The following ZNFX1 variants were observed in gnomAD, a reference collection of about 807,000 sequenced individuals.
The protein encoded by ZNFX1 is NFX1-type zinc finger-containing protein 1.
In ZNFX1, 78 loss-of-function variants were observed where a neutral mutation model predicts 179.8. The observed-to-expected ratio is 0.43, with a 90% CI of 0.36 to 0.52. The LOEUF (loss-of-function observed/expected upper bound fraction) is 0.52. Ranked by LOEUF, ZNFX1 falls within the 20% of genes least tolerant of loss-of-function variation. ZNFX1 has a pLI of 0.00. For missense variants in ZNFX1, 1,927 were observed against 2,386.6 expected (o/e 0.81, Z 4.01); for synonymous variants, 848 against 868.5 (o/e 0.98, Z 0.42).
At chr20:49,256,239 T>A (rs1980968022) in intron 8 of ZNFX1, among the ~76,000 whole-genome samples, 1 of 152,170 alleles carries the variant, frequency 6.6e-6, no homozygotes. Context: ...ATGGGAATAA[T>A]AATGGTATCT....
At position 49,252,052 on chromosome 20, in the gene ZNFX1, C is replaced by T. The variant is rs118071099; in HGVS notation, c.3217-430G>A. 7.0e-4 allele frequency among the ~76,000 whole-genome samples: 107 copies of T among 152,118 alleles called. No individual in the cohort carries two copies. The East Asian group carries it at 0.019, about 26-fold the overall frequency. ...TTCGCCATGTTGGCGAGGCTGGTCA[C>T]GAGCTCCTGAACTCAAGGGATCCGC... On this transcript the variant is annotated intron_variant, in intron 12 of 13. Coordinates refer to ENST00000396105, the MANE Select transcript of ZNFX1 (RefSeq NM_021035.3).
chr20:49,257,091 G>C (rs1349633332), intron 8 of ZNFX1, among the ~76,000 whole-genome samples: 1 of 152,152 alleles, frequency 6.6e-6, no homozygotes, highest in Non-Finnish European at 1.5e-5. Context: ...ATTTGAAATA[G>C]AGAAAACAAC....
At chr20:49,273,032 T>A (rs1278864711) in intron 2 of ZNFX1, among the ~76,000 whole-genome samples, 1 of 152,222 alleles carries the variant, frequency 6.6e-6, no homozygotes, top group African/African-American at 2.4e-5. Flanking sequence ...AAGCTTCAAA[T>A]GCATGTTATA....
chr20:49,253,243 T>C (rs1054249822), intron 11 of ZNFX1, among the ~76,000 whole-genome samples: 6 of 152,260 alleles, frequency 3.9e-5, no homozygotes, highest in Non-Finnish European at 8.8e-5. Flanking sequence ...TTTAAGAAGC[T>C]TGATTTTTAT....
chr20:49,275,516 C>T (rs1035774644), intron 2 of ZNFX1, among the ~76,000 whole-genome samples: 17 of 152,086 alleles, frequency 1.1e-4, no homozygotes, highest in Non-Finnish European at 1.5e-4. Flanking sequence ...GCACCAAGCC[C>T]GGCTAATTTA....
At chr20:49,263,579 G>GT in intron 5 of ZNFX1, 96 bp from the exon 6 acceptor site, 1 of 1,397,338 alleles carries the variant, frequency 7.2e-7, no homozygotes, top group Non-Finnish European at 9.8e-7. Context: ...GACAGGAACA[G>GT]TAAGGAGGGA....
In ZNFX1 at chr20:49,252,713, T is replaced by G; in HGVS notation, c.3216+7A>C. On this transcript the variant is annotated splice_region_variant and intron_variant, in intron 12 of 13. Coordinates refer to ENST00000396105, the MANE Select transcript of ZNFX1 (RefSeq NM_021035.3). ...CATTTGGTAACAACAGAGGCCCAGC[T>G]TCTCACCTGGTAATTCAGACGGACA... The G allele has an allele frequency of 1.2e-6, 2 of 1,612,392 alleles. No homozygotes were observed. The highest frequency in any genetic ancestry group is 1.7e-6 in the Non-Finnish European group (2 of 1,178,476).
intron 3 of ZNFX1, 49 bp from the exon 4 acceptor site, chr20:49,266,315 A>T: frequency 6.5e-7 from 1 of 1,535,132 alleles, no homozygotes; most frequent in Non-Finnish European, 8.8e-7. Flanking sequence ...TTTTCTAAAT[A>T]AAGTAATTAC....
At position 49,270,208 on chromosome 20, in the gene ZNFX1, T is replaced by A; in HGVS notation, c.1604A>T (p.Asn535Ile). 1 of 1,614,032 alleles carries A rather than the reference T, an allele frequency of 6.2e-7. No homozygotes were observed. The highest frequency in any genetic ancestry group is 8.5e-7 in the Non-Finnish European group (1 of 1,180,034). The change falls in exon 3 of 14, where the codon AAT becomes ATT. Residue 535 changes from asparagine to isoleucine, a missense_variant. Transcript: ENST00000396105. The surrounding 1 kb of genome is among the most constrained non-coding windows in gnomAD (Gnocchi z 4.6). ...CACATGAGAGTTACACTCCACGATA[T>A]TCCTCTGGAAGGGAACATCTTCCTC... ...VQEEDVPFQR[N>I]IVECNSHVKE...
chr20:49,262,570 TCCG>T (rs1292737602), intron 6 of ZNFX1, among the ~76,000 whole-genome samples: 1 of 152,190 alleles, frequency 6.6e-6, no homozygotes, highest in African/African-American at 2.4e-5. Context: ...CACAGTCCTC[TCCG>T]CTTCTTAATA....
intron 13 of ZNFX1, among the ~76,000 whole-genome samples, chr20:49,251,174 G>A (rs759142016): frequency 5.3e-5 from 8 of 151,098 alleles, no homozygotes; most frequent in Non-Finnish European, 8.8e-5. Context: ...GTCTCTCTCC[G>A]CTGCCCAGCC....
chr20:49,258,118 A>ATTTC, intron 7 of ZNFX1, among the ~76,000 whole-genome samples: 1 of 123,336 alleles, frequency 8.1e-6, no homozygotes. Flanking sequence ...TTTTTTTGAG[A>ATTTC]CGGAGTTTCA....
At chr20:49,249,796 TA>T (rs1165209227) in intron 13 of ZNFX1, 85 bp from the exon 14 acceptor site, 8 of 1,441,734 alleles carry the variant, frequency 5.5e-6, no homozygotes, top group South Asian at 5.4e-5. Context: ...ACTGGCCACT[TA>T]CTCTGCTCCA....
chr20:49,258,414 A>T (rs1204741388), intron 7 of ZNFX1, among the ~76,000 whole-genome samples: 1 of 152,158 alleles, frequency 6.6e-6, no homozygotes, highest in Admixed American at 6.5e-5. Context: ...GAGAAGAGAA[A>T]CTAAAAGGAA....
chr20:49,260,593 T>C lies in ZNFX1; in HGVS notation c.2302-16A>G, dbSNP rs1165729938. On this transcript the variant is annotated splice_polypyrimidine_tract_variant and intron_variant, in intron 6 of 13. Transcript: ENST00000396105. ...ATTCACTATCCTAAGGAAAGAAGAA[T>C]GATCATTTGTGAGGATTCTATGACA... 1.3e-6 allele frequency: 2 copies of C among 1,556,152 alleles called. No individual in the cohort carries two copies. The highest frequency in any genetic ancestry group is 1.8e-6 in the Non-Finnish European group (2 of 1,139,908).
Position 49,248,954 on chromosome 20 carries a change from T to C in ZNFX1, c.4070A>G (p.His1357Arg). 4 of 1,614,234 alleles carry C rather than the reference T, an allele frequency of 2.5e-6. No individual in the cohort carries two copies. Among genetic ancestry groups the C allele is most frequent in the Non-Finnish European group, 3.4e-6 (4 of 1,180,034 alleles). Residue 1357 changes from histidine to arginine, a missense_variant, in exon 14 of 14, where the codon CAT becomes CGT. By Grantham distance (29) the His-to-Arg change is conservative. Coordinates refer to ENST00000396105, the MANE Select transcript of ZNFX1 (RefSeq NM_021035.3). The surrounding 1 kb of genome is among the most constrained non-coding windows in gnomAD (Gnocchi z 4.6). ...CACGGAACAAGGGACCATTTGTTCA[T>C]GGCCGCACCGAGGAATGGTTTTGGG... Reference protein sequence around the residue: ...KVPKTIPRCGHEQMVPCSVPE... With the variant: ...KVPKTIPRCGREQMVPCSVPE...
In ZNFX1 at chr20:49,254,535, G is replaced by A. The variant is rs1304803604; in HGVS notation, c.2919C>T (p.His973=). 6.2e-7 allele frequency: 1 copy of A among 1,614,062 alleles called. No homozygotes were observed. The highest frequency in any genetic ancestry group is 8.5e-7 in the Non-Finnish European group (1 of 1,180,042). ...MAELRLQEDL[H]ILKDAQVVGM... ...CTACAACCTGGGCATCTTTAAGAAT[G>A]TGCAGGTCTTCCTGGAGTCTCAGCT... Residue 973 remains histidine (H), a synonymous_variant, in exon 10 of 14, where the codon CAC becomes CAT. Coordinates refer to ENST00000396105, the MANE Select transcript of ZNFX1 (RefSeq NM_021035.3).
chr20:49,252,566 C>T (rs1005506649), intron 12 of ZNFX1, among the ~76,000 whole-genome samples, 154 bp downstream of exon 12: 6 of 152,050 alleles, frequency 3.9e-5, no homozygotes, highest in African/African-American at 1.4e-4. Context: ...ACACGGTGAT[C>T]TTGTGGTGTT....
At chr20:49,262,718 CAG>C (rs1393550659) in intron 6 of ZNFX1, among the ~76,000 whole-genome samples, 9 of 152,206 alleles carry the variant, frequency 5.9e-5, no homozygotes, top group African/African-American at 9.6e-5. Context: ...TGCCACTTTA[CAG>C]AGACTGTCTC....
Sources: gnomAD v4.1 joint callset for allele counts (sites outside exome capture counted in the v4.1 genomes callset) on GRCh38, gnomAD v4.1.1 for gene constraint, Gnocchi (gnomAD v3.1) non-coding constraint, MANE v1.5 for transcripts, NCBI Gene and HGNC (gene_info 2026-07-23, HGNC 2026-07-21) for gene names.